The following ASH1L variants were observed in gnomAD, a reference collection of about 807,000 sequenced individuals.
ASH1L encodes ASH1 like histone lysine methyltransferase.
A neutral mutation model predicts 269.0 loss-of-function variants in ASH1L; 23 were observed. The observed-to-expected ratio is 0.09, with a 90% CI of 0.06 to 0.12. ASH1L has a LOEUF of 0.12. Ranked by LOEUF, ASH1L falls within the 10% of genes least tolerant of loss-of-function variation. The pLI is 1.00. For missense variants in ASH1L, 2,912 were observed against 3,567.8 expected, an observed-to-expected ratio of 0.82 and a Z score of 4.68; for synonymous variants, 1,187 against 1,253.5, an observed-to-expected ratio of 0.95 and a Z score of 1.12.
chr1:155,339,782 G>T (rs1179438317), intron 25 of ASH1L, among the ~76,000 whole-genome samples: 1 of 152,104 alleles, frequency 6.6e-6, no homozygotes, highest in South Asian at 2.1e-4. Context: ...TAGGCTACAA[G>T]CCTATATATA....
chr1:155,404,217 T>G (rs910600902), intron 6 of ASH1L, among the ~76,000 whole-genome samples: 2 of 151,894 alleles, frequency 1.3e-5, no homozygotes, highest in Non-Finnish European at 2.9e-5. Context: ...TAGTCCAGTG[T>G]GGTGGCATGT....
intron 2 of ASH1L, among the ~76,000 whole-genome samples, chr1:155,513,174 G>A (rs1304481352): frequency 6.6e-6 from 1 of 152,068 alleles, no homozygotes; most frequent in African/African-American, 2.4e-5. Flanking sequence ...CCGAGGATGT[G>A]GAAGAACCAG....
intron 1 of ASH1L, among the ~76,000 whole-genome samples, chr1:155,526,927 C>A (rs373423130): frequency 1.3e-5 from 2 of 152,288 alleles, no homozygotes; most frequent in East Asian, 3.9e-4. Flanking sequence ...TCCTCTTAGC[C>A]GAGCAAGATG....
intron 5 of ASH1L, chr1:155,433,079 T>C: frequency 1.6e-6 from 2 of 1,241,092 alleles, no homozygotes; most frequent in African/African-American, 3.0e-5. Context: ...GCTTCAATAA[T>C]TAAACTGCTA....
chr1:155,364,745 G>A (rs66923802), intron 12 of ASH1L, among the ~76,000 whole-genome samples: 39,471 of 151,582 alleles, frequency 0.26, 5,905 homozygotes, highest in East Asian at 0.72. Context: ...TTCAAGACCA[G>A]CCTGGACAAC....
chr1:155,465,235 G>T (rs945552968), intron 3 of ASH1L, among the ~76,000 whole-genome samples: 1 of 137,220 alleles, frequency 7.3e-6, no homozygotes, highest in African/African-American at 2.8e-5. Context: ...TTGAAGCCCT[G>T]AGCATCCTAG....
intron 6 of ASH1L, among the ~76,000 whole-genome samples, chr1:155,406,600 G>A (rs899739078): frequency 6.6e-6 from 1 of 152,160 alleles, no homozygotes; most frequent in African/African-American, 2.4e-5. Flanking sequence ...CTACTCGGGA[G>A]GCTGAGGAAG....
intron 7 of ASH1L, among the ~76,000 whole-genome samples, chr1:155,387,635 C>T (rs1657546845): frequency 6.6e-6 from 1 of 152,030 alleles, no homozygotes. Context: ...TTTTTGGTTC[C>T]ATATGAATGT....
Position 155,551,722 on chromosome 1 carries a change from C to A in ASH1L, c.-100+10431G>T, listed in dbSNP as rs1671228627. Among the ~76,000 whole-genome samples the A allele has an allele frequency of 2.0e-5, 3 of 148,840 alleles. No individual in the cohort carries two copies. In the Admixed American group the frequency reaches 2.0e-4, roughly 10 times the overall value. On this transcript the variant is annotated intron_variant, in intron 1 of 27. Coordinates refer to ENST00000392403, the MANE Select transcript of ASH1L (RefSeq NM_018489.3). The stretch of plus-strand genomic sequence containing the variant: ...TGTTGGCTCACACCTGTAATCCCAG[C>A]ACTTTGGGAGGCTAAGACAGGTGGA...
chr1:155,438,267 C>T (rs1334498008), intron 5 of ASH1L, 60 bp downstream of exon 5: 2 of 1,454,086 alleles, frequency 1.4e-6, no homozygotes, highest in Non-Finnish European at 1.8e-6. Context: ...TATAGAGTTA[C>T]ATTACAGTTT....
In ASH1L at chr1:155,562,761, G is replaced by T; in HGVS notation, c.-708C>A. On this transcript the variant is annotated 5_prime_UTR_variant, in exon 1 of 28. Coordinates refer to ENST00000392403, the MANE Select transcript of ASH1L (RefSeq NM_018489.3). ...CAGGCCCTGTCAAGCCGGCGCCGGCGCAGGCCCTCACGCGTACCTTCAACG... is the reference window on the plus strand; with the variant it reads ...CAGGCCCTGTCAAGCCGGCGCCGGCTCAGGCCCTCACGCGTACCTTCAACG... 1 of 1,033,992 alleles carries T rather than the reference G, an allele frequency of 9.7e-7. No homozygotes were observed. Among genetic ancestry groups the T allele is most frequent in the Non-Finnish European group, 1.4e-6 (1 of 700,884 alleles). 64.1% of individuals were successfully genotyped at this position (1,033,992 alleles called of 1,614,324 possible).
chr1:155,414,340 C>T (rs748396519), intron 6 of ASH1L, among the ~76,000 whole-genome samples: 3 of 151,552 alleles, frequency 2.0e-5, no homozygotes, highest in African/African-American at 4.9e-5. Context: ...GATGGAGTTT[C>T]GCTCTTGCTG....
intron 1 of ASH1L, among the ~76,000 whole-genome samples, chr1:155,546,960 T>C (rs1670872154): frequency 3.1e-5 from 4 of 130,040 alleles, no homozygotes; most frequent in Non-Finnish European, 6.7e-5. Context: ...TTTTTTTTTT[T>C]TTTTTTTTTT....
At chr1:155,386,139 C>T (rs1300436006) in intron 7 of ASH1L, among the ~76,000 whole-genome samples, 3 of 151,432 alleles carry the variant, frequency 2.0e-5, no homozygotes, top group African/African-American at 7.3e-5. Context: ...GTAATCTCAG[C>T]TCACTGCAAC....
rs1415310687 is a variant in ASH1L at position 155,541,372 on chromosome 1, AAG to A, written c.-99-19756_-99-19755del. ...TTTCAGTTTCTATAATTTAAAAAAT[AAG>A]CACTATATACACCATGTAATGTGCT... is the stretch of plus-strand genomic sequence containing the variant. On this transcript the variant is annotated intron_variant, in intron 1 of 27. Coordinates refer to ENST00000392403, the MANE Select transcript of ASH1L (RefSeq NM_018489.3). Among the ~76,000 whole-genome samples the A allele has an allele frequency of 1.0e-3, 152 of 152,208 alleles. 1 individual carries two copies. The highest frequency in any genetic ancestry group is 3.5e-3 in the African/African-American group (146 of 41,564).
Position 155,522,934 on chromosome 1 carries a change from G to A in ASH1L, c.-99-1316C>T, listed in dbSNP as rs1274804299. Among the ~76,000 whole-genome samples, 5 of 152,006 alleles carry A rather than the reference G, an allele frequency of 3.3e-5. No homozygotes were observed. The South Asian group carries it at 6.2e-4, about 19-fold the overall frequency. The stretch of plus-strand genomic sequence containing the variant: ...TTGAACGCCTGACCTCAGGTGATCC[G>A]CCTGCCTTAGCCTCCCAAAGTGCTG... On this transcript the variant is annotated intron_variant, in intron 1 of 27. Transcript: ENST00000392403.
rs1194942356 is a variant in ASH1L, at chr1:155,480,000, C to T, written c.2870G>A (p.Cys957Tyr). 6.2e-7 allele frequency: 1 copy of T among 1,613,992 alleles called. No individual in the cohort carries two copies. The highest frequency in any genetic ancestry group is 1.1e-5 in the South Asian group (1 of 91,078). The change falls in exon 3 of 28, where the codon TGT (cysteine) becomes TAT (tyrosine). Residue 957 changes from cysteine (C) to tyrosine (Y), a missense_variant. Cys to Tyr is a radical substitution (Grantham distance 194, BLOSUM62 -2). This residue lies in a region of ASH1L where 715 missense variants were observed against 721.0 expected (regional missense o/e 0.99). Transcript: ENST00000392403. The stretch of plus-strand genomic sequence containing the variant: ...TTCCATCTCAAGGTCACTCATACTA[C>T]AGACACTTGGCCTATGACTGTCATC... ...DLDDSHRPSV[C>Y]SMSDLEMEPD...
At chr1:155,517,476 A>G (rs965668543) in intron 2 of ASH1L, among the ~76,000 whole-genome samples, 5 of 152,004 alleles carry the variant, frequency 3.3e-5, no homozygotes, top group African/African-American at 1.2e-4. Context: ...TAAAAGTACA[A>G]AAACTAGCCG....
intron 2 of ASH1L, among the ~76,000 whole-genome samples, chr1:155,508,572 G>A (rs577461250): frequency 9.9e-5 from 15 of 152,278 alleles, no homozygotes; most frequent in Non-Finnish European, 1.6e-4. Context: ...CCCAGAAGGC[G>A]GAGATTGCAG....
Sources: gnomAD v4.1 joint callset for allele counts (sites outside exome capture counted in the v4.1 genomes callset) on GRCh38, gnomAD v4.1.1 for gene constraint, gnomAD v4.1.1 regional missense constraint, MANE v1.5 for transcripts, NCBI Gene and HGNC (gene_info 2026-07-23, HGNC 2026-07-21) for gene names.